Variants in CDK13 observed in about 807,000 individuals in gnomAD.
CDK13 encodes the protein cyclin dependent kinase 13, also known as cyclin-dependent kinase 13.
CDK13 carries 40 observed loss-of-function variants against 137.6 expected under a neutral mutation model. That is an observed-to-expected ratio of 0.29 (90% CI 0.23 to 0.38). The LOEUF is 0.38. Ranked by LOEUF, CDK13 falls within the 10% of genes least tolerant of loss-of-function variation. The pLI is 1.00. For synonymous variants in CDK13, 869 were observed against 760.1 expected (o/e 1.14, Z -2.36); for missense variants, 1,704 against 1,951.8 (o/e 0.87, Z 2.39).
At chr7:39,990,145 T>TA (rs1049528399) in intron 2 of CDK13, among the ~76,000 whole-genome samples, 155 of 152,350 alleles carry the variant, frequency 1.0e-3, no homozygotes, top group African/African-American at 3.4e-3. Context: ...CAAGAACTCT[T>TA]ACGTATACAT....
chr7:40,005,399 C>T (rs192971093), intron 5 of CDK13, among the ~76,000 whole-genome samples: 14 of 151,540 alleles, frequency 9.2e-5, no homozygotes, highest in Admixed American at 5.3e-4. Context: ...AAGCTATTCT[C>T]GTGCCTCAGC....
chr7:39,956,347 C>G (rs1480340253), intron 1 of CDK13, among the ~76,000 whole-genome samples: 1 of 152,206 alleles, frequency 6.6e-6, no homozygotes, highest in Non-Finnish European at 1.5e-5. Context: ...TCTGACCAAA[C>G]TTCACCTGAC....
chr7:40,047,776 A>G (rs1206714438), intron 6 of CDK13, 45 bp from the exon 7 acceptor site: 1 of 1,313,488 alleles, frequency 7.6e-7, no homozygotes, highest in Non-Finnish European at 1.1e-6. Context: ...TTGTCAATTA[A>G]GAGTAAATTA....
chr7:40,079,776 T>C (rs936415605), intron 11 of CDK13, among the ~76,000 whole-genome samples: 1 of 152,188 alleles, frequency 6.6e-6, no homozygotes, highest in Admixed American at 6.5e-5. Context: ...AGAATGTTAG[T>C]ATCAGAAGCC....
intron 5 of CDK13, among the ~76,000 whole-genome samples, chr7:40,044,573 C>T (rs1785692185): frequency 6.6e-6 from 1 of 152,188 alleles, no homozygotes; most frequent in Non-Finnish European, 1.5e-5. Context: ...CCTGCCTCAG[C>T]CTCCCAAAGT....
At chr7:40,001,217 CTTTT>C (rs372931532) in intron 4 of CDK13, among the ~76,000 whole-genome samples, 4 of 141,258 alleles carry the variant, frequency 2.8e-5, no homozygotes, top group Admixed American at 1.4e-4. Flanking sequence ...TCTTCAGCAT[CTTTT>C]TTTTTTTTTT....
intron 5 of CDK13, among the ~76,000 whole-genome samples, chr7:40,027,463 C>T (rs1419696344): frequency 3.3e-5 from 5 of 152,158 alleles, no homozygotes; most frequent in Non-Finnish European, 7.4e-5. Context: ...ACACTCACAG[C>T]ATATTTTATC....
intron 9 of CDK13, among the ~76,000 whole-genome samples, chr7:40,068,956 G>A (rs544924504): frequency 7.7e-4 from 117 of 151,808 alleles, no homozygotes; most frequent in African/African-American, 2.8e-3. Context: ...GAGATTGACC[G>A]GGCACAGTGG....
intron 5 of CDK13, among the ~76,000 whole-genome samples, chr7:40,044,080 A>G (rs1005876335): frequency 4.6e-5 from 7 of 151,414 alleles, no homozygotes; most frequent in Non-Finnish European, 7.4e-5. Flanking sequence ...TATTTTTAGT[A>G]GAGATGGGGT....
chr7:39,968,044 T>A (rs541652767), intron 1 of CDK13, among the ~76,000 whole-genome samples: 2 of 152,320 alleles, frequency 1.3e-5, no homozygotes, highest in African/African-American at 4.8e-5. Context: ...TTCCCTCTTT[T>A]GAGGAATGTC....
At chr7:40,084,435 A>G (rs1043298407) in intron 11 of CDK13, among the ~76,000 whole-genome samples, 23 of 152,210 alleles carry the variant, frequency 1.5e-4, no homozygotes, top group African/African-American at 5.3e-4. Flanking sequence ...CTGAGATCAC[A>G]CCATTGCACT....
At chr7:40,004,298 G>A (rs146514085) in intron 5 of CDK13, among the ~76,000 whole-genome samples, 4 of 152,076 alleles carry the variant, frequency 2.6e-5, no homozygotes, top group South Asian at 2.1e-4. Flanking sequence ...AGTGCCTAGC[G>A]CTGCATTTCA....
At chr7:40,052,648 A>G (rs929263734) in intron 7 of CDK13, among the ~76,000 whole-genome samples, 8 of 152,136 alleles carry the variant, frequency 5.3e-5, no homozygotes, top group African/African-American at 1.4e-4. Context: ...AAACGCACAC[A>G]CCTTTTTGAA....
intron 11 of CDK13, chr7:40,085,702 G>T (rs1157007271): frequency 6.6e-6 from 1 of 152,578 alleles, no homozygotes; most frequent in South Asian, 2.1e-4. Context: ...ACTCCAGGAG[G>T]TTTTTACACG....
At chr7:40,065,686 A>G (rs1387056664) in intron 9 of CDK13, among the ~76,000 whole-genome samples, 1 of 152,144 alleles carries the variant, frequency 6.6e-6, no homozygotes. Context: ...TAAATATACT[A>G]CTAAATAAGA....
intron 7 of CDK13, chr7:40,061,101 A>G (rs1786136738): frequency 6.6e-6 from 1 of 152,010 alleles, no homozygotes; most frequent in Admixed American, 6.6e-5. Context: ...GCTAAAGCAT[A>G]AAGAGGTGAG....
chr7:39,979,647 C>A (rs373908724), intron 1 of CDK13, among the ~76,000 whole-genome samples: 72 of 152,156 alleles, frequency 4.7e-4, no homozygotes, highest in Non-Finnish European at 9.7e-4. Context: ...CAACACCACA[C>A]CCCCTCCAGG....
At chr7:40,069,563 C>G in intron 9 of CDK13, 1 of 289,788 alleles carries the variant, frequency 3.5e-6, no homozygotes, top group Admixed American at 4.1e-5. Flanking sequence ...CTTCCCTCAC[C>G]TTATTTACAG....
At position 39,951,556 on chromosome 7, in the gene CDK13, C is replaced by A. The variant is rs756171153; in HGVS notation, c.915C>A (p.Thr305=). ...CCAAGGCCTACCGGGAGGACAAGACCGAGCCTAAGGCCTACAGGCGGCGGC... is the reference window on the plus strand; with the variant it reads ...CCAAGGCCTACCGGGAGGACAAGACAGAGCCTAAGGCCTACAGGCGGCGGC... ...EPPKAYREDK[T]EPKAYRRRRS... The change falls in exon 1 of 14, where the codon ACC becomes ACA. Residue 305 remains threonine, a synonymous_variant. Transcript: ENST00000181839. 1 of 1,537,260 alleles carries A rather than the reference C, an allele frequency of 6.5e-7. No homozygotes were observed. Among genetic ancestry groups the A allele is most frequent in the South Asian group, 1.2e-5 (1 of 82,520 alleles).
Sources: allele counts gnomAD v4.1 joint callset (sites outside exome capture counted in the v4.1 genomes callset), GRCh38; gene constraint gnomAD v4.1.1; transcripts MANE v1.5; gene names NCBI Gene and HGNC (gene_info 2026-07-23, HGNC 2026-07-21).